Variants in ZFAND3 observed in about 807,000 individuals in gnomAD.
The protein encoded by ZFAND3 is zinc finger AN1-type containing 3, also known as AN1-type zinc finger protein 3.
Under a neutral mutation model 29.6 loss-of-function variants are expected in ZFAND3, and 10 were observed. The observed-to-expected ratio is 0.34, with a 90% CI of 0.21 to 0.57. The LOEUF is 0.57. ZFAND3 is among the 20% of genes least tolerant of loss of function. The pLI is 0.86. For synonymous variants in ZFAND3, 128 were observed against 112.6 expected, an observed-to-expected ratio of 1.14 and a Z score of -0.87; for missense variants, 230 against 304.5, an observed-to-expected ratio of 0.76 and a Z score of 1.82.
At chr6:37,851,309 G>C (rs1764276264) in intron 1 of ZFAND3, among the ~76,000 whole-genome samples, 1 of 151,914 alleles carries the variant, frequency 6.6e-6, no homozygotes, top group Non-Finnish European at 1.5e-5. Flanking sequence ...CCTCTTACTA[G>C]AGCTTCTTGT....
intron 5 of ZFAND3, among the ~76,000 whole-genome samples, chr6:38,117,151 TA>T (rs1462527073): frequency 6.6e-6 from 1 of 151,978 alleles, no homozygotes; most frequent in Non-Finnish European, 1.5e-5. Flanking sequence ...CTATTTATGA[TA>T]AATGGAAGAT....
At chr6:38,103,185 G>A (rs745898893) in intron 4 of ZFAND3, among the ~76,000 whole-genome samples, 5 of 152,140 alleles carry the variant, frequency 3.3e-5, no homozygotes, top group Non-Finnish European at 5.9e-5. Flanking sequence ...TAAGGGGAAC[G>A]ACAACAGGTC....
At chr6:38,077,883 A>T (rs1003678649) in intron 3 of ZFAND3, among the ~76,000 whole-genome samples, 6 of 152,334 alleles carry the variant, frequency 3.9e-5, no homozygotes, top group African/African-American at 1.4e-4. Context: ...CAACTAGCCG[A>T]TGGGATTGAC....
At chr6:38,029,887 T>G (rs1469048249) in intron 2 of ZFAND3, among the ~76,000 whole-genome samples, 2 of 152,026 alleles carry the variant, frequency 1.3e-5, no homozygotes, top group Non-Finnish European at 2.9e-5. Flanking sequence ...TTTTACTGAT[T>G]AGAGCAAATA....
chr6:37,998,776 G>T (rs1310344355), intron 2 of ZFAND3, among the ~76,000 whole-genome samples: 1 of 152,164 alleles, frequency 6.6e-6, no homozygotes, highest in Admixed American at 6.5e-5. Context: ...ATTTACAGAA[G>T]AGTAAGGGGA....
chr6:37,940,316 G>C (rs1371393869), intron 2 of ZFAND3, among the ~76,000 whole-genome samples: 5 of 152,172 alleles, frequency 3.3e-5, no homozygotes, highest in Admixed American at 2.6e-4. Flanking sequence ...AGATTATGAT[G>C]AGGTTGCTTT....
intron 1 of ZFAND3, among the ~76,000 whole-genome samples, chr6:37,907,426 G>A (rs1277536343): frequency 6.6e-6 from 1 of 152,086 alleles, no homozygotes; most frequent in Non-Finnish European, 1.5e-5. Context: ...GAACACTGAT[G>A]CTTTCTGTTA....
chr6:37,988,701 G>A (rs1360076697), intron 2 of ZFAND3, among the ~76,000 whole-genome samples: 1 of 152,074 alleles, frequency 6.6e-6, no homozygotes, highest in Non-Finnish European at 1.5e-5. Context: ...GGTTCCTCTT[G>A]TTCCTGTTGG....
chr6:38,104,439 T>C (rs889369152), intron 4 of ZFAND3, among the ~76,000 whole-genome samples: 3 of 150,750 alleles, frequency 2.0e-5, no homozygotes, highest in Admixed American at 2.0e-4. Flanking sequence ...CTTGTGCTAA[T>C]GGGGAGAAGT....
At chr6:38,152,211 C>A (rs749455640) in intron 5 of ZFAND3, 24 bp from the exon 6 acceptor site, 4 of 1,491,444 alleles carry the variant, frequency 2.7e-6, no homozygotes, top group Admixed American at 4.6e-5. Context: ...CACACTCTTT[C>A]CTCTGCTTCT....
At chr6:38,052,265 T>C (rs1764041660) in intron 2 of ZFAND3, among the ~76,000 whole-genome samples, 1 of 152,194 alleles carries the variant, frequency 6.6e-6, no homozygotes. Context: ...TTGAGAGACC[T>C]TGTAAGTCCT....
rs538488052 is a variant in ZFAND3, at chr6:38,135,615, T to C, written c.530-16620T>C. Among the ~76,000 whole-genome samples, 262 of 152,098 alleles carry C rather than the reference T, an allele frequency of 1.7e-3. 2 individuals carry two copies. The highest frequency in any genetic ancestry group is 6.0e-3 in the African/African-American group (251 of 41,512). ...CAAAAATTAGCCAGGTGTGGTGGCG[T>C]GCGCCTGTAATCCCAGCTACTCAGG... On this transcript the variant is annotated intron_variant, in intron 5 of 5. Coordinates refer to ENST00000287218, the MANE Select transcript of ZFAND3 (RefSeq NM_021943.3).
At chr6:37,914,345 G>GTTGTT (rs1272307578) in intron 1 of ZFAND3, among the ~76,000 whole-genome samples, 1 of 152,080 alleles carries the variant, frequency 6.6e-6, no homozygotes, top group Non-Finnish European at 1.5e-5. Flanking sequence ...ATTTAGCATA[G>GTTGTT]TTGTTTTGTT....
At chr6:37,858,203 A>T (rs1448425716) in intron 1 of ZFAND3, among the ~76,000 whole-genome samples, 3 of 152,140 alleles carry the variant, frequency 2.0e-5, no homozygotes, top group African/African-American at 7.2e-5. Context: ...CTTTGCTGGG[A>T]CACCAATAGC....
At chr6:37,958,968 C>G (rs189405251) in intron 2 of ZFAND3, among the ~76,000 whole-genome samples, 2 of 152,136 alleles carry the variant, frequency 1.3e-5, no homozygotes, top group African/African-American at 4.8e-5. Flanking sequence ...GAACCAAATT[C>G]CTGCCATAGA....
At chr6:37,879,621 G>A (rs1764855339) in intron 1 of ZFAND3, among the ~76,000 whole-genome samples, 1 of 152,094 alleles carries the variant, frequency 6.6e-6, no homozygotes, top group African/African-American at 2.4e-5. Context: ...TATTTTGCCT[G>A]TATTTGGTGA....
intron 2 of ZFAND3, among the ~76,000 whole-genome samples, chr6:37,946,036 T>A (rs1761895906): frequency 6.6e-6 from 1 of 152,130 alleles, no homozygotes; most frequent in Admixed American, 6.5e-5. Context: ...GTTGGTGTGG[T>A]TTGTTTAGTG....
chr6:38,090,312 G>A (rs1764839707), intron 4 of ZFAND3, among the ~76,000 whole-genome samples: 1 of 152,154 alleles, frequency 6.6e-6, no homozygotes, highest in Non-Finnish European at 1.5e-5. Flanking sequence ...GTTCCCATCA[G>A]GAGAATATTA....
intron 1 of ZFAND3, among the ~76,000 whole-genome samples, chr6:37,881,567 C>T (rs1456745740): frequency 6.6e-6 from 1 of 152,188 alleles, no homozygotes; most frequent in Non-Finnish European, 1.5e-5. Flanking sequence ...AATCTCTCCA[C>T]AGGTTCCTCT....
Sources: allele counts gnomAD v4.1 joint callset (sites outside exome capture counted in the v4.1 genomes callset), GRCh38; gene constraint gnomAD v4.1.1; transcripts MANE v1.5; gene names NCBI Gene and HGNC (gene_info 2026-07-23, HGNC 2026-07-21).